Variants in TECPR2 observed in about 807,000 individuals in gnomAD.
TECPR2 encodes tectonin beta-propeller repeat-containing protein 2.
In TECPR2, 65 loss-of-function variants were observed where a neutral mutation model predicts 138.1. The observed-to-expected ratio is 0.47, with a 90% CI of 0.39 to 0.58. TECPR2 has a LOEUF of 0.58. TECPR2 is among the 20% of genes least tolerant of loss of function. The pLI is 0.00. For synonymous variants in TECPR2, 746 were observed against 749.8 expected (o/e 0.99, Z 0.08); for missense variants, 1,553 against 1,824.5 (o/e 0.85, Z 2.71).
chr14:102,369,919 T>C (rs148130476), intron 1 of TECPR2, among the ~76,000 whole-genome samples: 6,041 of 151,928 alleles, frequency 0.04, 138 homozygotes, highest in Middle Eastern at 0.089. Flanking sequence ...CGCATCACTG[T>C]ACTCCAGCCT....
intron 2 of TECPR2, among the ~76,000 whole-genome samples, chr14:102,379,887 A>G (rs1345481880): frequency 2.7e-5 from 4 of 145,546 alleles, no homozygotes; most frequent in South Asian, 2.3e-4. Flanking sequence ...GAGGCGTCCT[A>G]GTCACACTGC....
chr14:102,376,924 G>C lies in TECPR2; in HGVS notation c.203G>C (p.Arg68Thr). 6.2e-7 allele frequency: 1 copy of C among 1,613,770 alleles called. No individual in the cohort carries two copies. The highest frequency in any genetic ancestry group is 8.5e-7 in the Non-Finnish European group (1 of 1,179,932). The change falls in exon 2 of 20, where the codon AGG becomes ACG. Residue 68 changes from arginine to threonine, a missense_variant. Transcript: ENST00000359520. ...YLYCRHLNQMRKYNFEGKTES... is the reference protein window; with the variant it reads ...YLYCRHLNQMTKYNFEGKTES... ...TACTGCCGGCACCTCAACCAGATGA[G>C]GAAGTACAACTTTGAGGTGAGCCTT...
intron 9 of TECPR2, among the ~76,000 whole-genome samples, chr14:102,435,680 C>G (rs1485922188): frequency 2.0e-5 from 3 of 152,184 alleles, no homozygotes; most frequent in African/African-American, 4.8e-5. Flanking sequence ...GAGGCCATTT[C>G]CAGAACTGCT....
In TECPR2 at chr14:102,381,526, A is replaced by T. The variant is rs528774421; in HGVS notation, c.219+4586A>T. The stretch of plus-strand genomic sequence containing the variant: ...GAGGCAGAGGCTGCAGTAAGCTAAG[A>T]TCGTGCCAGTGCACTCCAGCCTAGG... On this transcript the variant is annotated intron_variant, in intron 2 of 19. Coordinates refer to ENST00000359520, the MANE Select transcript of TECPR2 (RefSeq NM_014844.5). 3.3e-5 allele frequency among the ~76,000 whole-genome samples: 5 copies of T among 152,344 alleles called. No homozygotes were observed. In the South Asian group the frequency reaches 1.0e-3, roughly 32 times the overall value.
At chr14:102,388,821 T>C (rs935726442) in intron 2 of TECPR2, among the ~76,000 whole-genome samples, 6 of 151,712 alleles carry the variant, frequency 4.0e-5, no homozygotes, top group African/African-American at 1.5e-4. Flanking sequence ...ATTAGCCGGG[T>C]GAGATGGCAG....
At chr14:102,458,964 CACAT>C (rs1445085511) in intron 16 of TECPR2, among the ~76,000 whole-genome samples, 10 of 79,276 alleles carry the variant, frequency 1.3e-4, no homozygotes, top group African/African-American at 5.5e-4. Context: ...AAAAAATACA[CACAT>C]ATATATATAT....
chr14:102,478,236 G>GCATA (rs1219664649), intron 17 of TECPR2, among the ~76,000 whole-genome samples: 1 of 151,738 alleles, frequency 6.6e-6, no homozygotes, highest in Non-Finnish European at 1.5e-5. Flanking sequence ...ATTTGTAGAG[G>GCATA]CATAGTCTTG....
At position 102,419,493 on chromosome 14, in the gene TECPR2, G is replaced by A. The variant is rs1889121067; in HGVS notation, c.638+4700G>A. Among the ~76,000 whole-genome samples, 1 of 152,110 alleles carries A rather than the reference G, an allele frequency of 6.6e-6. No individual in the cohort carries two copies. The highest frequency in any genetic ancestry group is 1.5e-5 in the Non-Finnish European group (1 of 68,010). On this transcript the variant is annotated intron_variant, in intron 5 of 19. Transcript: ENST00000359520. The surrounding 1 kb of genome is among the most constrained non-coding windows in gnomAD (Gnocchi z 4.8). ...CTGTGGAGGGAACACAGTGCTGGTG[G>A]GGACAGAGTGCAGGCGGTGGCCTCA...
chr14:102,446,061 T>C (rs1889970326), intron 13 of TECPR2, 114 bp downstream of exon 13: 8 of 1,256,486 alleles, frequency 6.4e-6, no homozygotes, highest in Non-Finnish European at 8.6e-6. Context: ...ATACTCACTT[T>C]TTTATTATTT....
intron 17 of TECPR2, among the ~76,000 whole-genome samples, chr14:102,495,888 C>G (rs1270431418): frequency 6.6e-6 from 1 of 152,226 alleles, no homozygotes. Flanking sequence ...GAGGGCACCT[C>G]GATCCGGGAG....
intron 9 of TECPR2, among the ~76,000 whole-genome samples, chr14:102,436,077 C>T (rs1889662979): frequency 6.6e-6 from 1 of 152,194 alleles, no homozygotes; most frequent in African/African-American, 2.4e-5. Context: ...AGAGGTTTAA[C>T]TCTTTTACTT....
intron 4 of TECPR2, among the ~76,000 whole-genome samples, chr14:102,413,174 T>G (rs1310312995): frequency 6.6e-6 from 1 of 152,098 alleles, no homozygotes; most frequent in African/African-American, 2.4e-5. Context: ...ACTATAAATT[T>G]GTCAAAATTC....
chr14:102,368,297 C>T (rs757572728), intron 1 of TECPR2, among the ~76,000 whole-genome samples: 5 of 152,120 alleles, frequency 3.3e-5, no homozygotes, highest in South Asian at 2.1e-4. Context: ...ATGTGAGCCA[C>T]CGTGCCTGGC....
chr14:102,432,266 T>G, intron 8 of TECPR2, 138 bp downstream of exon 8: 1 of 840,982 alleles, frequency 1.2e-6, no homozygotes, highest in South Asian at 2.1e-5. Flanking sequence ...CCAAAGGAGT[T>G]TTACTGCAAA....
intron 16 of TECPR2, among the ~76,000 whole-genome samples, chr14:102,454,311 G>A (rs1341042796): frequency 3.9e-5 from 6 of 152,186 alleles, no homozygotes; most frequent in Non-Finnish European, 7.3e-5. Flanking sequence ...AGTGGTTGGT[G>A]TGCTCAGCCC....
At chr14:102,439,517 G>A (rs1889773231) in intron 10 of TECPR2, among the ~76,000 whole-genome samples, 3 of 152,128 alleles carry the variant, frequency 2.0e-5, no homozygotes, top group South Asian at 2.1e-4. Flanking sequence ...TTCATTTCTC[G>A]TTGGTATCAT....
rs1009418081 is a variant in TECPR2, at chr14:102,444,736, G to A, written c.2933+909G>A. Among the ~76,000 whole-genome samples, 9 of 152,322 alleles carry A rather than the reference G, an allele frequency of 5.9e-5. No homozygotes were observed. In the East Asian group the frequency reaches 1.5e-3, roughly 26 times the overall value. The stretch of plus-strand genomic sequence containing the variant: ...CGCCTGTAATCCCAACACTTTGGAA[G>A]GCCAAGGCAGGCGGATCACGAGGTC... On this transcript the variant is annotated intron_variant, in intron 12 of 19. Transcript: ENST00000359520.
chr14:102,422,909 C>T (rs527992190), intron 5 of TECPR2, among the ~76,000 whole-genome samples: 47 of 152,290 alleles, frequency 3.1e-4, no homozygotes, highest in South Asian at 6.2e-4. Flanking sequence ...GCATGTATGA[C>T]AGTGGTCGCA....
intron 16 of TECPR2, among the ~76,000 whole-genome samples, chr14:102,456,685 G>A (rs1890284545): frequency 6.6e-6 from 1 of 151,624 alleles, no homozygotes; most frequent in Non-Finnish European, 1.5e-5. Flanking sequence ...TGCCTCCTGG[G>A]TTCACGTCAT....
Sources: gnomAD v4.1 joint callset for allele counts (sites outside exome capture counted in the v4.1 genomes callset) on GRCh38, gnomAD v4.1.1 for gene constraint, Gnocchi (gnomAD v3.1) non-coding constraint, MANE v1.5 for transcripts, NCBI Gene and HGNC (gene_info 2026-07-23, HGNC 2026-07-21) for gene names.